MOXD1: variants seen among roughly 807,000 people sequenced by gnomAD.
MOXD1 encodes the protein monooxygenase DBH like 1.
A neutral mutation model predicts 66.6 loss-of-function variants in MOXD1; 62 were observed. The ratio of observed to expected loss-of-function variants is 0.93; its 90% CI spans 0.76 to 1.15. The LOEUF (loss-of-function observed/expected upper bound fraction) is 1.15. MOXD1 is among the 50% of genes most tolerant of loss of function. The pLI is 0.00. For synonymous variants in MOXD1, 303 were observed against 281.9 expected (o/e 1.07, Z -0.75); for missense variants, 847 against 754.6 (o/e 1.12, Z -1.44).
intron 4 of MOXD1, among the ~76,000 whole-genome samples, chr6:132,332,240 T>C (rs1775335988): frequency 6.6e-6 from 1 of 152,092 alleles, no homozygotes; most frequent in Admixed American, 6.6e-5. Context: ...GCCTAAAACA[T>C]GAGGATTTCC....
intron 10 of MOXD1, among the ~76,000 whole-genome samples, chr6:132,310,495 G>A (rs1774804385): frequency 6.6e-6 from 1 of 152,058 alleles, no homozygotes; most frequent in African/African-American, 2.4e-5. Flanking sequence ...TCCCATTCTT[G>A]GTATATACCC....
chr6:132,336,359 G>C (rs946536261), intron 4 of MOXD1, among the ~76,000 whole-genome samples: 13 of 152,204 alleles, frequency 8.5e-5, no homozygotes, highest in Non-Finnish European at 1.6e-4. Context: ...CTCCTAAAGT[G>C]ATGCTGCCTA....
intron 4 of MOXD1, among the ~76,000 whole-genome samples, chr6:132,369,487 T>A (rs1301192906): frequency 6.6e-6 from 1 of 151,632 alleles, no homozygotes; most frequent in East Asian, 1.9e-4. Context: ...TTTTTTTTTA[T>A]GAAGTTGAGA....
At chr6:132,300,768 A>G (rs1280785747) in intron 10 of MOXD1, among the ~76,000 whole-genome samples, 2 of 152,192 alleles carry the variant, frequency 1.3e-5, no homozygotes, top group Admixed American at 1.3e-4. Context: ...CGTATGTTGG[A>G]GACAGAATGA....
chr6:132,326,840 C>T (rs1006988136), intron 6 of MOXD1, among the ~76,000 whole-genome samples: 11 of 152,146 alleles, frequency 7.2e-5, no homozygotes, highest in Admixed American at 1.3e-4. Flanking sequence ...TAGCTTGACA[C>T]CTACTTTTAT....
intron 4 of MOXD1, among the ~76,000 whole-genome samples, chr6:132,369,135 T>C (rs753655114): frequency 4.6e-5 from 7 of 152,092 alleles, no homozygotes; most frequent in Non-Finnish European, 8.8e-5. Flanking sequence ...ATTAGGCTAC[T>C]ACTGATCAGA....
chr6:132,392,294 G>A (rs776260396), intron 1 of MOXD1: 37 of 1,599,170 alleles, frequency 2.3e-5, no homozygotes, highest in Non-Finnish European at 3.1e-5. Context: ...AGACAAGCAA[G>A]CAAGGCTGTA....
chr6:132,387,245 C>G (rs1364990221), intron 1 of MOXD1, among the ~76,000 whole-genome samples: 1 of 151,334 alleles, frequency 6.6e-6, no homozygotes. Context: ...TTGTATTGAG[C>G]TAATACAATA....
chr6:132,398,886 C>T (rs1368763529), intron 1 of MOXD1, among the ~76,000 whole-genome samples: 2 of 136,640 alleles, frequency 1.5e-5, no homozygotes, highest in Non-Finnish European at 1.5e-5. Context: ...TGCAGTGAGC[C>T]GAGATTGCAC....
chr6:132,314,744 A>C (rs745989840), intron 10 of MOXD1, among the ~76,000 whole-genome samples: 12 of 152,180 alleles, frequency 7.9e-5, no homozygotes, highest in Non-Finnish European at 1.5e-4. Flanking sequence ...TGTTGACAAC[A>C]ACTACATACT....
At chr6:132,316,810 A>G (rs1359585683) in intron 9 of MOXD1, among the ~76,000 whole-genome samples, 1 of 152,176 alleles carries the variant, frequency 6.6e-6, no homozygotes, top group Non-Finnish European at 1.5e-5. Context: ...CATGTATGTT[A>G]AATACATGTA....
At chr6:132,320,579 ATTTC>A (rs756915227) in intron 9 of MOXD1, 46 bp downstream of exon 9, 2 of 1,441,696 alleles carry the variant, frequency 1.4e-6, no homozygotes, top group African/African-American at 1.4e-5. Context: ...AATCAAGTTT[ATTTC>A]TTTCTCTCCA....
At chr6:132,299,350 T>C (rs540919968) in intron 10 of MOXD1, among the ~76,000 whole-genome samples, 12 of 152,142 alleles carry the variant, frequency 7.9e-5, no homozygotes, top group Non-Finnish European at 1.8e-4. Flanking sequence ...GGTGATGGAA[T>C]CATTCATACT....
chr6:132,324,501 A>G (rs1485584915), intron 6 of MOXD1, among the ~76,000 whole-genome samples: 1 of 152,214 alleles, frequency 6.6e-6, no homozygotes, highest in Non-Finnish European at 1.5e-5. Flanking sequence ...GTTCAATAAC[A>G]TTTACTTTGA....
intron 9 of MOXD1, among the ~76,000 whole-genome samples, 187 bp from the exon 10 acceptor site, chr6:132,315,964 A>G (rs1487646117): frequency 6.6e-6 from 1 of 152,174 alleles, no homozygotes; most frequent in Non-Finnish European, 1.5e-5. Flanking sequence ...AATTATTTCC[A>G]CTTTAAAAAT....
rs927379209 is a variant in MOXD1, at chr6:132,387,041, A to T, written c.265-12264T>A. Among the ~76,000 whole-genome samples, 3 of 151,084 alleles carry T rather than the reference A, an allele frequency of 2.0e-5. 1 individual carries two copies. The highest frequency in any genetic ancestry group is 4.4e-5 in the Non-Finnish European group (3 of 67,598). ...TGTTTTTTTTTCCTCAGGTACTCAG[A>T]TTTCCCAAGGTTTCAACCATCCTTG... On this transcript the variant is annotated intron_variant, in intron 1 of 11. Coordinates refer to ENST00000367963, the MANE Select transcript of MOXD1 (RefSeq NM_015529.4).
chr6:132,372,714 A>G lies in MOXD1; in HGVS notation c.580-23T>C, dbSNP rs752698081. Reference sequence around the variant, plus strand: ...GACCTGTCTTAATAAAAAGGGGAGGAAGACACAAAGTCACCTTCTCTTAAC... The same window carrying G: ...GACCTGTCTTAATAAAAAGGGGAGGGAGACACAAAGTCACCTTCTCTTAAC... On this transcript the variant is annotated intron_variant, in intron 3 of 11. Coordinates refer to ENST00000367963, the MANE Select transcript of MOXD1 (RefSeq NM_015529.4). 3 of 1,610,204 alleles carry G rather than the reference A, an allele frequency of 1.9e-6. No individual in the cohort carries two copies. In the African/African-American group the frequency reaches 4.0e-5, roughly 21 times the overall value.
At chr6:132,352,901 T>C (rs1775831369) in intron 4 of MOXD1, among the ~76,000 whole-genome samples, 1 of 152,204 alleles carries the variant, frequency 6.6e-6, no homozygotes, top group Admixed American at 6.5e-5. Context: ...CTTTTTCTCT[T>C]TTAACTGCTG....
intron 9 of MOXD1, among the ~76,000 whole-genome samples, chr6:132,316,639 C>T (rs1185784630): frequency 1.3e-5 from 2 of 151,974 alleles, no homozygotes; most frequent in East Asian, 1.9e-4. Flanking sequence ...CAGCAAGTTT[C>T]AAATGAGCAA....
Sources: allele counts gnomAD v4.1 joint callset (sites outside exome capture counted in the v4.1 genomes callset), GRCh38; gene constraint gnomAD v4.1.1; transcripts MANE v1.5; gene names NCBI Gene and HGNC (gene_info 2026-07-23, HGNC 2026-07-21).